The following SCN10A variants were observed in gnomAD, a reference collection of about 807,000 sequenced individuals.
The protein encoded by SCN10A is sodium channel protein type 10 subunit alpha.
Under a neutral mutation model 170.7 loss-of-function variants are expected in SCN10A, and 162 were observed. That is an observed-to-expected ratio of 0.95 (90% confidence interval 0.84 to 1.08). SCN10A has a LOEUF of 1.08. Ranked by LOEUF, SCN10A falls within the 50% of genes least tolerant of loss-of-function variation. SCN10A has a pLI of 0.00. For missense variants in SCN10A, 2,527 were observed against 2,436.9 expected (o/e 1.04, Z -0.78); for synonymous variants, 985 against 904.6 (o/e 1.09, Z -1.59).
chr3:38,701,719 T>A, intron 27 of SCN10A, 120 bp downstream of exon 27: 1 of 912,784 alleles, frequency 1.1e-6, no homozygotes, highest in Non-Finnish European at 1.6e-6. Flanking sequence ...AAATACAGGG[T>A]TCTTCTAACA....
In SCN10A at chr3:38,723,516, A is replaced by G. The variant is rs539704919; in HGVS notation, c.3266T>C (p.Val1089Ala). Reference protein sequence around the residue: ...DDTSSSEGSTVDCLDPEEILR... With the variant: ...DDTSSSEGSTADCLDPEEILR... The stretch of plus-strand genomic sequence containing the variant: ...GATTTCCTCAGGATCTAGGCAGTCC[A>G]CCGTGCTGCCCTCAGAGGAGCTTGT... Residue 1089 changes from valine to alanine, a missense_variant, in exon 19 of 28, where the codon GTG becomes GCG. Coordinates refer to ENST00000449082, the MANE Select transcript of SCN10A (RefSeq NM_006514.4). 6 of 1,610,866 alleles carry G rather than the reference A, an allele frequency of 3.7e-6. No individual in the cohort carries two copies. The highest frequency in any genetic ancestry group is 1.7e-5 in the Admixed American group (1 of 59,428).
At chr3:38,794,551 T>C (rs1441167557) in intron 1 of SCN10A, among the ~76,000 whole-genome samples, 2 of 152,194 alleles carry the variant, frequency 1.3e-5, no homozygotes, top group African/African-American at 4.8e-5. Flanking sequence ...ATTGGAGAAT[T>C]TCATTGGGAC....
chr3:38,716,600 T>A (rs1207902947), intron 21 of SCN10A, among the ~76,000 whole-genome samples: 1 of 152,092 alleles, frequency 6.6e-6, no homozygotes, highest in African/African-American at 2.4e-5. Flanking sequence ...GAAAATAGAC[T>A]AATACAAATA....
At chr3:38,707,422 C>T (rs775186985) in intron 25 of SCN10A, 39 bp from the exon 26 acceptor site, 4 of 1,604,294 alleles carry the variant, frequency 2.5e-6, no homozygotes, top group African/African-American at 2.7e-5. Context: ...GCAAGAGGAA[C>T]CCCCTACGGA....
At chr3:38,757,353 C>CT in intron 8 of SCN10A, among the ~76,000 whole-genome samples, 194 bp from the exon 9 acceptor site, 1 of 152,194 alleles carries the variant, frequency 6.6e-6, no homozygotes, top group East Asian at 1.9e-4. Flanking sequence ...GACGCTAATA[C>CT]TTTCACGTCA....
rs539118922 is a variant in SCN10A at position 38,719,550 on chromosome 3, C to T, written c.3508-724G>A. 1.1e-4 allele frequency among the ~76,000 whole-genome samples: 16 copies of T among 151,622 alleles called. No individual in the cohort carries two copies. In the East Asian group the frequency reaches 1.2e-3, roughly 11 times the overall value. On this transcript the variant is annotated intron_variant, in intron 20 of 27. Coordinates refer to ENST00000449082, the MANE Select transcript of SCN10A (RefSeq NM_006514.4). ...CTGGGACTACAGGCGCCCGCCACTA[C>T]GCCCGGCTAATTTTTTGTATTTTTA...
intron 4 of SCN10A, among the ~76,000 whole-genome samples, chr3:38,777,607 G>A (rs1346563897): frequency 6.6e-6 from 1 of 152,048 alleles, no homozygotes; most frequent in Non-Finnish European, 1.5e-5. Flanking sequence ...CCCTTAAACT[G>A]ATATGGAAAA....
At chr3:38,707,066 C>G (rs2063218230) in intron 26 of SCN10A, among the ~76,000 whole-genome samples, 2 of 152,200 alleles carry the variant, frequency 1.3e-5, no homozygotes, top group South Asian at 4.1e-4. Context: ...TTTCAAATAG[C>G]TGTAAAAGGT....
intron 5 of SCN10A, among the ~76,000 whole-genome samples, chr3:38,768,453 C>T (rs1248680807): frequency 6.6e-6 from 1 of 151,976 alleles, no homozygotes; most frequent in African/African-American, 2.4e-5. Context: ...AATTCTCTCA[C>T]CATTTGTTTG....
At chr3:38,729,622 T>C (rs1433339871) in intron 15 of SCN10A, among the ~76,000 whole-genome samples, 1 of 152,210 alleles carries the variant, frequency 6.6e-6, no homozygotes, top group African/African-American at 2.4e-5. Flanking sequence ...GTCTTCACTG[T>C]AAACTCAAAT....
intron 15 of SCN10A, among the ~76,000 whole-genome samples, chr3:38,729,870 C>T (rs994124721): frequency 4.6e-5 from 7 of 152,116 alleles, no homozygotes; most frequent in Non-Finnish European, 7.4e-5. Context: ...GTGAGTAAAT[C>T]CCACGGGAGG....
intron 25 of SCN10A, among the ~76,000 whole-genome samples, chr3:38,708,663 T>A (rs2063237119): frequency 6.6e-6 from 1 of 152,328 alleles, no homozygotes; most frequent in Non-Finnish European, 1.5e-5. Flanking sequence ...TGCTCAGTGA[T>A]CTTTGTTCAG....
chr3:38,766,320 A>C (rs955584467), intron 5 of SCN10A, among the ~76,000 whole-genome samples: 4 of 152,114 alleles, frequency 2.6e-5, no homozygotes, highest in African/African-American at 9.7e-5. Context: ...TTCAGTTCTC[A>C]GGGGGAATGC....
At chr3:38,707,123 C>T (rs578225050) in intron 26 of SCN10A, among the ~76,000 whole-genome samples, 156 bp downstream of exon 26, 5 of 152,190 alleles carry the variant, frequency 3.3e-5, no homozygotes, top group Non-Finnish European at 4.4e-5. Context: ...ACTTCTCATT[C>T]CTTGGGCCTA....
chr3:38,723,170 C>T (rs1274300777), intron 19 of SCN10A, among the ~76,000 whole-genome samples: 1 of 152,128 alleles, frequency 6.6e-6, no homozygotes, highest in Admixed American at 6.5e-5. Context: ...TGGTTTAGAA[C>T]TCACGGAGGG....
chr3:38,729,338 G>A (rs1461263947), intron 15 of SCN10A, among the ~76,000 whole-genome samples: 1 of 152,166 alleles, frequency 6.6e-6, no homozygotes, highest in Non-Finnish European at 1.5e-5. Context: ...GCATTCGATA[G>A]GTATTGGCAA....
rs776265470 is a variant in SCN10A at position 38,726,055 on chromosome 3, G to A, written c.3087+551C>T. ...CCTGAGTTACTGAGAAGAGGTTAGC[G>A]AGGGTTGATATACCAGCTTAAGGTA... On this transcript the variant is annotated intron_variant, in intron 17 of 27. Coordinates refer to ENST00000449082, the MANE Select transcript of SCN10A (RefSeq NM_006514.4). Among the ~76,000 whole-genome samples the A allele has an allele frequency of 7.2e-4, 109 of 152,192 alleles. 1 individual carries two copies. Among genetic ancestry groups the A allele is most frequent in the Non-Finnish European group, 2.1e-4 (14 of 68,032 alleles).
chr3:38,752,101 G>A, intron 12 of SCN10A, 118 bp downstream of exon 12: 1 of 814,098 alleles, frequency 1.2e-6, no homozygotes, highest in Non-Finnish European at 1.8e-6. Context: ...GTAGAATGGG[G>A]AGGCATTGGA....
chr3:38,697,092 A>G lies in SCN10A; in HGVS notation c.*257T>C, dbSNP rs775212916. ...AAAGGACAAGGGATATTTTCTGGAG[A>G]GTAAGAGAACCCATGATCTGATATT... On this transcript the variant is annotated 3_prime_UTR_variant, in exon 28 of 28. Transcript: ENST00000449082. The G allele has an allele frequency of 7.7e-6, 4 of 522,300 alleles. No individual in the cohort carries two copies. Among genetic ancestry groups the G allele is most frequent in the Non-Finnish European group, 1.4e-5 (4 of 295,000 alleles). 32.4% of individuals were successfully genotyped at this position (522,300 alleles called of 1,614,324 possible).
Sources: allele counts gnomAD v4.1 joint callset (sites outside exome capture counted in the v4.1 genomes callset), GRCh38; gene constraint gnomAD v4.1.1; transcripts MANE v1.5; gene names NCBI Gene and HGNC (gene_info 2026-07-23, HGNC 2026-07-21).